Variants in AMBRA1 observed in about 807,000 individuals in gnomAD.
AMBRA1 encodes activating molecule in BECN1-regulated autophagy protein 1.
A neutral mutation model predicts 125.4 loss-of-function variants in AMBRA1; 47 were observed. The observed-to-expected ratio is 0.37, with a 90% confidence interval of 0.30 to 0.48. The LOEUF is 0.48. Ranked by LOEUF, AMBRA1 falls within the 20% of genes least tolerant of loss-of-function variation. AMBRA1 has a pLI of 0.99. For synonymous variants in AMBRA1, 626 were observed against 655.5 expected (o/e 0.95, Z 0.69); for missense variants, 1,331 against 1,693.4 (o/e 0.79, Z 3.76).
intron 11 of AMBRA1, among the ~76,000 whole-genome samples, chr11:46,484,603 A>G (rs902306398): frequency 2.0e-5 from 3 of 151,960 alleles, no homozygotes; most frequent in African/African-American, 7.3e-5. Context: ...GACAGTGTAT[A>G]CGCATTCCCT....
At chr11:46,431,963 A>G (rs1358319944) in intron 14 of AMBRA1, among the ~76,000 whole-genome samples, 1 of 152,212 alleles carries the variant, frequency 6.6e-6, no homozygotes, top group African/African-American at 2.4e-5. Flanking sequence ...TTGGTGGGAC[A>G]TGATGTTATG....
chr11:46,540,809 T>C (rs557985115), intron 7 of AMBRA1, among the ~76,000 whole-genome samples: 55 of 152,330 alleles, frequency 3.6e-4, no homozygotes, highest in African/African-American at 1.3e-3. Flanking sequence ...TTTCGTTGTC[T>C]TGCCTCCACA....
At chr11:46,535,809 T>C (rs1392772817) in intron 7 of AMBRA1, among the ~76,000 whole-genome samples, 1 of 152,168 alleles carries the variant, frequency 6.6e-6, no homozygotes, top group Admixed American at 6.5e-5. Context: ...GAAGGCTGCA[T>C]ATGATGCCAG....
rs770038320 is a variant in AMBRA1, at chr11:46,543,311, G to A, written c.706C>T (p.Arg236Trp). The change falls in exon 7 of 18, where the codon CGG (arginine) becomes TGG (tryptophan). Residue 236 changes from arginine to tryptophan, a missense_variant. Physicochemically the swap from Arg to Trp is moderately radical, Grantham distance 101 (BLOSUM62 -3). Coordinates refer to ENST00000683756, the MANE Select transcript of AMBRA1 (RefSeq NM_001387011.1). The stretch of plus-strand genomic sequence containing the variant: ...AGGAAATTGTGGAGGAGAGGCGTCC[G>A]GCGAACTGGCTGTGATTGCAGGAGG... ...RALLQSQPVRRTPLLHNFLHM... is the reference protein window; with the variant it reads ...RALLQSQPVRWTPLLHNFLHM... 6 of 1,614,056 alleles carry A rather than the reference G, an allele frequency of 3.7e-6. No homozygotes were observed. The highest frequency in any genetic ancestry group is 4.5e-5 in the East Asian group (2 of 44,880).
chr11:46,432,640 G>A (rs577621186), intron 14 of AMBRA1, among the ~76,000 whole-genome samples: 6 of 152,142 alleles, frequency 3.9e-5, no homozygotes, highest in African/African-American at 1.4e-4. Flanking sequence ...ACACTGAACC[G>A]AATTGGGTGG....
chr11:46,545,644 A>G lies in AMBRA1; in HGVS notation c.511T>C (p.Phe171Leu). ...TCACTAGCTGTCTTCACCACAGCAA[A>G]GGGTTCCCGTCGACTCCAGTCCCAG... ...HFWDWSRREP[F>L]AVVKTASEME... Residue 171 changes from phenylalanine to leucine, a missense_variant, in exon 5 of 18, where the codon TTT becomes CTT. By Grantham distance (22) the Phe-to-Leu change is conservative. Transcript: ENST00000683756. 6.2e-7 allele frequency: 1 copy of G among 1,614,088 alleles called. No homozygotes were observed. Among genetic ancestry groups the G allele is most frequent in the Non-Finnish European group, 8.5e-7 (1 of 1,179,984 alleles).
chr11:46,493,859 G>A, intron 10 of AMBRA1, 151 bp from the exon 11 acceptor site: 1 of 669,016 alleles, frequency 1.5e-6, no homozygotes, highest in East Asian at 2.7e-5. Flanking sequence ...TCCTTCCGCA[G>A]ATTTGTATCT....
chr11:46,507,781 G>T (rs374284299), intron 9 of AMBRA1, among the ~76,000 whole-genome samples: 7 of 152,132 alleles, frequency 4.6e-5, no homozygotes, highest in African/African-American at 1.7e-4. Flanking sequence ...ATTTCAGAAC[G>T]AAGACAACAT....
At chr11:46,510,589 T>C (rs1479016049) in intron 8 of AMBRA1, among the ~76,000 whole-genome samples, 1 of 152,192 alleles carries the variant, frequency 6.6e-6, no homozygotes, top group East Asian at 1.9e-4. Flanking sequence ...GTGATAGAGG[T>C]AGACATAATG....
chr11:46,499,473 T>G (rs928012115), intron 9 of AMBRA1, among the ~76,000 whole-genome samples: 1 of 152,212 alleles, frequency 6.6e-6, no homozygotes, highest in East Asian at 1.9e-4. Flanking sequence ...TAAGCAATAT[T>G]ACACGTTTTT....
intron 11 of AMBRA1, among the ~76,000 whole-genome samples, chr11:46,471,133 C>G (rs976363733): frequency 6.6e-6 from 1 of 152,120 alleles, no homozygotes; most frequent in African/African-American, 2.4e-5. Context: ...TCCAGGTTAC[C>G]AAGAGTTTAG....
chr11:46,428,294 G>A (rs191833019), intron 14 of AMBRA1, among the ~76,000 whole-genome samples: 1 of 152,094 alleles, frequency 6.6e-6, no homozygotes, highest in Non-Finnish European at 1.5e-5. Flanking sequence ...TCTTGGCTAC[G>A]GTTTTACCAC....
chr11:46,471,924 C>T (rs559081370), intron 11 of AMBRA1, among the ~76,000 whole-genome samples: 1 of 152,262 alleles, frequency 6.6e-6, no homozygotes, highest in South Asian at 2.1e-4. Flanking sequence ...CCGTGCCTGG[C>T]CAGGAATAAC....
chr11:46,521,790 A>G (rs1168758018), intron 7 of AMBRA1, among the ~76,000 whole-genome samples: 1 of 152,218 alleles, frequency 6.6e-6, no homozygotes, highest in South Asian at 2.1e-4. Flanking sequence ...CTGGCAGGCA[A>G]TTCCTGCCCC....
intron 1 of AMBRA1, among the ~76,000 whole-genome samples, chr11:46,576,919 A>G (rs2043978130): frequency 6.6e-6 from 1 of 152,330 alleles, no homozygotes; most frequent in Non-Finnish European, 1.5e-5. Context: ...TTATCCCATC[A>G]GTAAAATGCA....
In AMBRA1 at chr11:46,542,337, C is replaced by T. The variant is rs756931019; in HGVS notation, c.1680G>A (p.Leu560=). Residue 560 remains leucine, a synonymous_variant, in exon 7 of 18, where the codon CTG becomes CTA. Coordinates refer to ENST00000683756, the MANE Select transcript of AMBRA1 (RefSeq NM_001387011.1). This position sits in a 1 kb window ranked among gnomAD's most constrained non-coding sequence, Gnocchi z 5.9. ...TPHSSENNSN[L]SRGHLNRCRA... ...GACAGCGATTCAGGTGGCCACGGGA[C>T]AGGTTGGAGTTGTTCTCACTGCTGT... 4 of 1,614,102 alleles carry T rather than the reference C, an allele frequency of 2.5e-6. No individual in the cohort carries two copies. In the Admixed American group the frequency reaches 6.7e-5, roughly 27 times the overall value.
chr11:46,430,902 G>A (rs1947426843), intron 14 of AMBRA1, among the ~76,000 whole-genome samples: 1 of 152,194 alleles, frequency 6.6e-6, no homozygotes, highest in African/African-American at 2.4e-5. Context: ...TGTGCAAAGA[G>A]GGAGATGCTG....
intron 2 of AMBRA1, 30 bp downstream of exon 2, chr11:46,548,216 T>A (rs1321159237): frequency 1.2e-6 from 2 of 1,613,794 alleles, no homozygotes; most frequent in Non-Finnish European, 8.5e-7. Context: ...CCAGCACAAA[T>A]CCTATGTGAA....
chr11:46,399,750 CCA>C (rs1431526660), intron 17 of AMBRA1, among the ~76,000 whole-genome samples: 10 of 152,178 alleles, frequency 6.6e-5, no homozygotes, highest in African/African-American at 2.2e-4. Flanking sequence ...AAGCTATTCC[CCA>C]GTTATTGTTC....
Sources: gnomAD v4.1 joint callset for allele counts (sites outside exome capture counted in the v4.1 genomes callset) on GRCh38, gnomAD v4.1.1 for gene constraint, Gnocchi (gnomAD v3.1) non-coding constraint, MANE v1.5 for transcripts, NCBI Gene and HGNC (gene_info 2026-07-23, HGNC 2026-07-21) for gene names.